CA10: variants seen among roughly 807,000 people sequenced by gnomAD.
The protein encoded by CA10 is carbonic anhydrase-related protein 10.
A neutral mutation model predicts 44.2 loss-of-function variants in CA10; 14 were observed. That is an observed-to-expected ratio of 0.32 (90% CI 0.21 to 0.50). The LOEUF (loss-of-function observed/expected upper bound fraction) is 0.50. Ranked by LOEUF, CA10 falls within the 20% of genes least tolerant of loss-of-function variation. CA10 has a pLI of 0.99. For synonymous variants in CA10, 159 were observed against 141.6 expected (o/e 1.12, Z -0.87); for missense variants, 350 against 409.7 (o/e 0.85, Z 1.26).
rs1203626320 is a variant in CA10, at chr17:52,024,991, C to A, written c.136+47328G>T. 2.6e-5 allele frequency among the ~76,000 whole-genome samples: 4 copies of A among 151,942 alleles called. No individual in the cohort carries two copies. The South Asian group carries it at 6.2e-4, about 24-fold the overall frequency. On this transcript the variant is annotated intron_variant, in intron 2 of 8. Transcript: ENST00000451037. The stretch of plus-strand genomic sequence containing the variant: ...CACTCCCCCAAAAAGTCAGCTATGA[C>A]ATGACAGAATGCTAGACTTCCCCTT...
chr17:51,747,879 C>T, intron 3 of CA10, 61 bp from the exon 4 acceptor site: 1 of 1,305,528 alleles, frequency 7.7e-7, no homozygotes, highest in Admixed American at 2.0e-5. Flanking sequence ...TCCCCAAACC[C>T]AGCATGGTGC....
At chr17:52,030,694 G>A (rs774803331) in intron 2 of CA10, among the ~76,000 whole-genome samples, 5 of 152,118 alleles carry the variant, frequency 3.3e-5, no homozygotes, top group Non-Finnish European at 7.4e-5. Flanking sequence ...CCTTTGATAT[G>A]AGGAGGCACC....
intron 4 of CA10, among the ~76,000 whole-genome samples, chr17:51,674,658 T>G (rs571136829): frequency 6.6e-6 from 1 of 152,362 alleles, no homozygotes; most frequent in Admixed American, 6.5e-5. Context: ...CTATGGCTTT[T>G]CTCACCGCAG....
intron 6 of CA10, 98 bp from the exon 7 acceptor site, chr17:51,636,107 C>T: frequency 3.2e-6 from 2 of 622,230 alleles, no homozygotes; most frequent in Non-Finnish European, 5.3e-6. Context: ...TATACATATA[C>T]ATACATATAT....
At chr17:51,724,542 ACT>A (rs1385641780) in intron 4 of CA10, among the ~76,000 whole-genome samples, 1 of 152,036 alleles carries the variant, frequency 6.6e-6, no homozygotes, top group Non-Finnish European at 1.5e-5. Context: ...AACTGCACTC[ACT>A]CTGAACTTCA....
intron 3 of CA10, among the ~76,000 whole-genome samples, chr17:51,866,374 A>AC (rs1304870161): frequency 6.6e-6 from 1 of 151,446 alleles, no homozygotes; most frequent in Non-Finnish European, 1.5e-5. Flanking sequence ...CTCCCCCTAA[A>AC]CCTCCTTGCC....
At chr17:51,937,430 T>C (rs1320722620) in intron 2 of CA10, among the ~76,000 whole-genome samples, 1 of 152,106 alleles carries the variant, frequency 6.6e-6, no homozygotes, top group Non-Finnish European at 1.5e-5. Context: ...GCCTTAAAGT[T>C]AACCCCTTTG....
At chr17:51,771,513 T>C (rs1482003007) in intron 3 of CA10, among the ~76,000 whole-genome samples, 1 of 152,184 alleles carries the variant, frequency 6.6e-6, no homozygotes, top group Non-Finnish European at 1.5e-5. Flanking sequence ...CAGCATTGCC[T>C]ACTCTCTGTA....
intron 4 of CA10, among the ~76,000 whole-genome samples, chr17:51,691,737 A>G (rs975259993): frequency 3.3e-5 from 5 of 152,134 alleles, no homozygotes; most frequent in African/African-American, 9.7e-5. Context: ...TTAGTTGGCT[A>G]TTGTGGTGCA....
intron 3 of CA10, among the ~76,000 whole-genome samples, chr17:51,801,175 A>T (rs1906910486): frequency 6.6e-6 from 1 of 152,230 alleles, no homozygotes; most frequent in Non-Finnish European, 1.5e-5. Context: ...GGCAAGAGAC[A>T]TCTGGTCCCC....
At chr17:52,146,753 TGCCCA>T in intron 1 of CA10, among the ~76,000 whole-genome samples, 1 of 152,016 alleles carries the variant, frequency 6.6e-6, no homozygotes, top group Non-Finnish European at 1.5e-5. Flanking sequence ...CCAGAAAGGA[TGCCCA>T]CAGCTTTTCT....
chr17:52,108,191 TTTTTATATATATATA>T (rs1410337781), intron 1 of CA10, among the ~76,000 whole-genome samples: 1 of 61,348 alleles, frequency 1.6e-5, no homozygotes, highest in African/African-American at 1.7e-4. Flanking sequence ...ATATATATAT[TTTTTATATATATATA>T]TATATATATA....
chr17:52,005,395 T>C (rs2144125829), intron 2 of CA10, among the ~76,000 whole-genome samples: 1 of 152,068 alleles, frequency 6.6e-6, no homozygotes, highest in African/African-American at 2.4e-5. Context: ...CTTCCAAAGC[T>C]TATTGAGATG....
chr17:52,159,587 G>C (rs1270297252), upstream of CA10: 1 of 152,408 alleles, frequency 6.6e-6, no homozygotes, highest in African/African-American at 2.4e-5. Flanking sequence ...CACTGAAGGA[G>C]ATTTCCCCAC....
At chr17:51,981,636 T>G (rs892100155) in intron 2 of CA10, among the ~76,000 whole-genome samples, 6 of 152,084 alleles carry the variant, frequency 3.9e-5, no homozygotes, top group Non-Finnish European at 8.8e-5. Context: ...ATTTTACAGC[T>G]ATGGCATATG....
chr17:51,812,341 T>C (rs910585067), intron 3 of CA10, among the ~76,000 whole-genome samples: 2 of 152,254 alleles, frequency 1.3e-5, no homozygotes, highest in Non-Finnish European at 2.9e-5. Context: ...TGCATCTATA[T>C]GGTAGAGATA....
At chr17:51,887,749 T>C (rs1980672849) in intron 3 of CA10, among the ~76,000 whole-genome samples, 2 of 150,638 alleles carry the variant, frequency 1.3e-5, no homozygotes, top group East Asian at 3.9e-4. Flanking sequence ...CCCAGCACTT[T>C]GGGAGGCCAA....
At chr17:51,735,922 C>T (rs1234550574) in intron 4 of CA10, among the ~76,000 whole-genome samples, 2 of 150,980 alleles carry the variant, frequency 1.3e-5, no homozygotes, top group East Asian at 3.9e-4. Flanking sequence ...ATTGCCGGGG[C>T]TAGGGTAGGA....
chr17:52,076,537 T>C (rs947193911), intron 1 of CA10, among the ~76,000 whole-genome samples: 1 of 152,214 alleles, frequency 6.6e-6, no homozygotes. Context: ...AAGAGCCCAT[T>C]TGATGTCTAT....
Sources: allele counts gnomAD v4.1 joint callset (sites outside exome capture counted in the v4.1 genomes callset), GRCh38; gene constraint gnomAD v4.1.1; transcripts MANE v1.5; gene names NCBI Gene and HGNC (gene_info 2026-07-23, HGNC 2026-07-21).